The following GRAP variants were observed in gnomAD, a reference collection of about 807,000 sequenced individuals.
GRAP encodes GRB2 related adaptor protein.
GRAP carries 2 observed loss-of-function variants against 9.1 expected under a neutral mutation model. The ratio of observed to expected loss-of-function variants is 0.22; its 90% CI spans 0.09 to 0.69. The LOEUF (loss-of-function observed/expected upper bound fraction) is 0.69, where lower values mean the gene tolerates loss of function less well. GRAP is among the 30% of genes least tolerant of loss of function. The probability of loss-of-function intolerance (pLI) is 0.81; values close to 1 mark genes in which losing one functional copy is unlikely to be tolerated. For missense variants in GRAP, 113 were observed against 179.4 expected, an observed-to-expected ratio of 0.63 and a Z score of 2.12; for synonymous variants, 68 against 73.6, an observed-to-expected ratio of 0.92 and a Z score of 0.39.
At position 19,024,288 on chromosome 17, in the gene GRAP, A is replaced by C; in HGVS notation, c.395T>G (p.Val132Gly). The C allele has an allele frequency of 6.2e-7, 1 of 1,609,370 alleles. No individual in the cohort carries two copies. Among genetic ancestry groups the C allele is most frequent in the Non-Finnish European group, 8.5e-7 (1 of 1,177,920 alleles). ...EEKFNSLNEL[V>G]DFYRTTTIAK... ...GATGGTGGTGGTGCGGTAGAAGTCG[A>C]CCAGCTCGTTGAGGGAGTTGAACTT... The change falls in exon 4 of 5, where the codon GTC becomes GGC. Residue 132 changes from valine (V) to glycine (G), a missense_variant. Around this residue, in one of 2 missense-constraint regions of GRAP, gnomAD observed 113 missense variants for 163.3 expected, o/e 0.69. Coordinates refer to ENST00000284154, the MANE Select transcript of GRAP (RefSeq NM_006613.4). This position sits in a 1 kb window ranked among gnomAD's most constrained non-coding sequence, Gnocchi z 4.2.
Position 19,027,469 on chromosome 17 carries a change from T to TGCAC in GRAP, c.300-3087_300-3086insGTGC, listed in dbSNP as rs1491507529. On this transcript the variant is annotated intron_variant, in intron 3 of 4. Transcript: ENST00000284154. ...GCACTTGATGCCTTGATGGGACACA[T>TGCAC]GCGCGCGCGCGCGCGCACACACACA... Among the ~76,000 whole-genome samples the TGCAC allele has an allele frequency of 2.3e-3, 290 of 125,640 alleles. 4 individuals carry two copies. Among genetic ancestry groups the TGCAC allele is most frequent in the East Asian group, 0.014 (39 of 2,720 alleles). 82.4% of individuals were successfully genotyped at this position (125,640 alleles called of 152,430 possible).
intron 3 of GRAP, among the ~76,000 whole-genome samples, chr17:19,027,484 G>GCGCA (rs1555583245): frequency 0.013 from 1,542 of 121,146 alleles, 25 homozygotes; most frequent in African/African-American, 0.034. Flanking sequence ...GCGCGCGCGC[G>GCGCA]CACACACACA....
At position 19,024,865 on chromosome 17, in the gene GRAP, C is replaced by G. The variant is rs1399060958; in HGVS notation, c.300-482G>C. On this transcript the variant is annotated intron_variant, in intron 3 of 4. Coordinates refer to ENST00000284154, the MANE Select transcript of GRAP (RefSeq NM_006613.4). This position sits in a 1 kb window ranked among gnomAD's most constrained non-coding sequence, Gnocchi z 4.2. Reference sequence around the variant, plus strand: ...CCCAGAGTCCCTTGGGGAGCAAGTCCTAGACTCATCCTGACTCAGACCAAA... The same window carrying G: ...CCCAGAGTCCCTTGGGGAGCAAGTCGTAGACTCATCCTGACTCAGACCAAA... Among the ~76,000 whole-genome samples the G allele has an allele frequency of 6.6e-6, 1 of 152,134 alleles. No individual in the cohort carries two copies. The highest frequency in any genetic ancestry group is 1.5e-5 in the Non-Finnish European group (1 of 68,026).
At chr17:19,048,509 C>T (rs560877084), upstream of GRAP, among the ~76,000 whole-genome samples, 8 of 104,122 alleles carry the variant, frequency 7.7e-5, 1 homozygote, top group Non-Finnish European at 1.3e-4. Context: ...GATTATAATC[C>T]ATTACTATTA....
intron 4 of GRAP, among the ~76,000 whole-genome samples, chr17:19,022,826 T>C (rs1156986093): frequency 1.3e-5 from 2 of 152,186 alleles, no homozygotes; most frequent in Non-Finnish European, 2.9e-5. Flanking sequence ...CAGCTCTGAA[T>C]CTGCAGAATC....
At position 19,021,511 on chromosome 17, in the gene GRAP, C is replaced by A. The variant is rs1171775663; in HGVS notation, c.*448G>T. 3.6e-6 allele frequency: 1 copy of A among 276,840 alleles called. No individual in the cohort carries two copies. Among genetic ancestry groups the A allele is most frequent in the Admixed American group, 5.3e-5 (1 of 18,814 alleles). 17.1% of individuals were successfully genotyped at this position (276,840 alleles called of 1,614,324 possible). A position where few individuals can be genotyped will look rare whatever the true frequency, so the allele number is the denominator to read the frequency against. On this transcript the variant is annotated 3_prime_UTR_variant, in exon 5 of 5. Transcript: ENST00000284154. The surrounding 1 kb of genome is among the most constrained non-coding windows in gnomAD (Gnocchi z 4.1). ...CTGAGCCACCTCCCAACAGCCTGAA[C>A]AACTCCAGGGGCCTTTTGAGGGAGG... is the stretch of plus-strand genomic sequence containing the variant.
intron 3 of GRAP, among the ~76,000 whole-genome samples, chr17:19,025,312 C>G (rs1201825618): frequency 1.3e-5 from 2 of 150,924 alleles, no homozygotes; most frequent in Non-Finnish European, 3.0e-5. Context: ...CTGCCTCAGC[C>G]TCCTGAGTAG....
chr17:19,021,906 T>C lies in GRAP; in HGVS notation c.*53A>G. ...GAGCTGGGGGTGTCCATGTCCTCTCTGGACCTCAGTTCCTGTAAAAAGGCC... is the reference window on the plus strand; with the variant it reads ...GAGCTGGGGGTGTCCATGTCCTCTCCGGACCTCAGTTCCTGTAAAAAGGCC... On this transcript the variant is annotated 3_prime_UTR_variant, in exon 5 of 5. Coordinates refer to ENST00000284154, the MANE Select transcript of GRAP (RefSeq NM_006613.4). The surrounding 1 kb of genome is among the most constrained non-coding windows in gnomAD (Gnocchi z 4.1). 1.4e-6 allele frequency: 2 copies of C among 1,441,148 alleles called. No homozygotes were observed. The highest frequency in any genetic ancestry group is 1.5e-5 in the South Asian group (1 of 67,412). The allele number at this position is 1,441,148 out of a possible 1,614,324, so 89.3% of individuals were successfully genotyped here.
In GRAP at chr17:19,021,980, G is replaced by C; in HGVS notation, c.633C>G (p.Tyr211Ter). 1 of 1,576,402 alleles carries C rather than the reference G, an allele frequency of 6.3e-7. No individual in the cohort carries two copies. Among genetic ancestry groups the C allele is most frequent in the Non-Finnish European group, 8.6e-7 (1 of 1,162,714 alleles). Residue 211 changes from tyrosine to a stop codon, truncating the protein, a stop_gained, in exon 5 of 5, where the codon TAC becomes TAG. Coordinates refer to ENST00000284154, the MANE Select transcript of GRAP (RefSeq NM_006613.4). LOFTEE classifies it high-confidence loss of function. This position sits in a 1 kb window ranked among gnomAD's most constrained non-coding sequence, Gnocchi z 4.1. ...CTGCTCACAGGTGCACGGGCTGCAC[G>C]TAACTCCGTGGGAAGAAGCCAACGC... ...CGRVGFFPRS[Y>*]VQPVHL
intron 3 of GRAP, chr17:19,031,628 T>C (rs1476546145): frequency 1.4e-5 from 2 of 138,902 alleles, no homozygotes; most frequent in Non-Finnish European, 3.1e-5. Context: ...CCAGTCATCA[T>C]AAAAAACACG....
rs879623155 is a variant in GRAP, at chr17:19,022,134, G to T, written c.479C>A (p.Ala160Asp). ...DEEPLLKSPG[A>D]CFAQAQFDFS... ...GTCAAACTGGGCCTGGGCAAAGCAG[G>T]CCCCAGGTGACTGCAAGAAGAGGAG... Residue 160 changes from alanine (A) to aspartate (D), a missense_variant, in exon 5 of 5, where the codon GCC (alanine) becomes GAC (aspartate). By Grantham distance (126) the Ala-to-Asp change is moderately radical. Coordinates refer to ENST00000284154, the MANE Select transcript of GRAP (RefSeq NM_006613.4). The T allele has an allele frequency of 2.7e-6, 4 of 1,496,208 alleles. No individual in the cohort carries two copies. In the South Asian group the frequency reaches 4.0e-5, roughly 15 times the overall value. 92.7% of individuals were successfully genotyped at this position (1,496,208 alleles called of 1,614,324 possible).
chr17:19,022,286 A>T, intron 4 of GRAP, 142 bp from the exon 5 acceptor site: 1 of 501,364 alleles, frequency 2.0e-6, no homozygotes, highest in Admixed American at 4.1e-5. Context: ...AGTCCAGATC[A>T]ATGGTAGTGC....
chr17:19,025,682 G>T (rs577575221), intron 3 of GRAP, among the ~76,000 whole-genome samples: 1 of 126,594 alleles, frequency 7.9e-6, no homozygotes, highest in African/African-American at 3.1e-5. Context: ...GCGCTATCTC[G>T]GCTCACTGCA....
intron 1 of GRAP, among the ~76,000 whole-genome samples, chr17:19,043,788 C>T (rs1183438203): frequency 4.0e-5 from 6 of 150,344 alleles, no homozygotes; most frequent in Non-Finnish European, 7.4e-5. Flanking sequence ...TGTCCTCCCT[C>T]GTCTGTCCAA....
chr17:19,045,755 C>A (rs2044377376), intron 1 of GRAP, among the ~76,000 whole-genome samples: 1 of 118,292 alleles, frequency 8.5e-6, no homozygotes, highest in Non-Finnish European at 1.6e-5. Context: ...AGCACCAGCA[C>A]CCCAGCATAG....
chr17:19,024,100 G>A lies in GRAP; in HGVS notation c.468+115C>T. 3 of 1,046,592 alleles carry A rather than the reference G, an allele frequency of 2.9e-6. No individual in the cohort carries two copies. The highest frequency in any genetic ancestry group is 4.2e-6 in the Non-Finnish European group (3 of 713,118). 64.8% of individuals were successfully genotyped at this position (1,046,592 alleles called of 1,614,324 possible). A position where few individuals can be genotyped will look rare whatever the true frequency, so the allele number is the denominator to read the frequency against. On this transcript the variant is annotated intron_variant, in intron 4 of 4. Coordinates refer to ENST00000284154, the MANE Select transcript of GRAP (RefSeq NM_006613.4). The surrounding 1 kb of genome is among the most constrained non-coding windows in gnomAD (Gnocchi z 4.2). ...GGCTGGACGCCTCTTGCAATACCAG[G>A]CTGCTGGGGAAGTGAGACCAGGCCC... is the stretch of plus-strand genomic sequence containing the variant.
rs1413978426 is a variant in GRAP at position 19,024,397 on chromosome 17, C to A, written c.300-14G>T. 16 of 1,606,968 alleles carry A rather than the reference C, an allele frequency of 1.0e-5. No homozygotes were observed. Among genetic ancestry groups the A allele is most frequent in the East Asian group, 4.5e-5 (2 of 44,726 alleles). On this transcript the variant is annotated splice_polypyrimidine_tract_variant and intron_variant, in intron 3 of 4. Transcript: ENST00000284154. This position sits in a 1 kb window ranked among gnomAD's most constrained non-coding sequence, Gnocchi z 4.2. ...TGGTCTCCATAGCTAGGGGAAAGGA[C>A]CCGGGGCCACCTCAGGTGGTGGCCG...
At position 19,024,691 on chromosome 17, in the gene GRAP, C is replaced by T. The variant is rs921852499; in HGVS notation, c.300-308G>A. ...CAGTTTTCTCATAATGATAACATCT[C>T]CGTTATGGATAAGTGCACAGTGACT... On this transcript the variant is annotated intron_variant, in intron 3 of 4. Coordinates refer to ENST00000284154, the MANE Select transcript of GRAP (RefSeq NM_006613.4). This position sits in a 1 kb window ranked among gnomAD's most constrained non-coding sequence, Gnocchi z 4.2. 6.6e-6 allele frequency among the ~76,000 whole-genome samples: 1 copy of T among 152,188 alleles called. No individual in the cohort carries two copies. Among genetic ancestry groups the T allele is most frequent in the Non-Finnish European group, 1.5e-5 (1 of 68,024 alleles).
chr17:19,025,139 G>A (rs1021357920), intron 3 of GRAP, among the ~76,000 whole-genome samples: 2 of 151,254 alleles, frequency 1.3e-5, no homozygotes, highest in South Asian at 4.2e-4. Context: ...ATCGCCCCGA[G>A]TACCTTCTAG....
Sources: allele counts gnomAD v4.1 joint callset (sites outside exome capture counted in the v4.1 genomes callset), GRCh38; gene constraint gnomAD v4.1.1; regional missense constraint gnomAD v4.1.1; non-coding constraint Gnocchi (gnomAD v3.1); transcripts MANE v1.5; gene names NCBI Gene and HGNC (gene_info 2026-07-23, HGNC 2026-07-21).